Variants in INTS6L observed in about 807,000 individuals in gnomAD.
INTS6L encodes integrator complex subunit 6-like.
INTS6L carries 18 observed loss-of-function variants against 64.7 expected under a neutral mutation model. The observed-to-expected ratio is 0.28, with a 90% CI of 0.19 to 0.41. The LOEUF is 0.41. Ranked by LOEUF, INTS6L falls within the 10% of genes least tolerant of loss-of-function variation. The probability of loss-of-function intolerance (pLI) is 1.00; values close to 1 mark genes in which losing one functional copy is unlikely to be tolerated. For missense variants in INTS6L, 533 were observed against 661.0 expected (o/e 0.81, Z 2.12); for synonymous variants, 227 against 235.9 (o/e 0.96, Z 0.34).
In INTS6L at chrX:135,528,868, C is replaced by CG. The variant is rs1284817178; in HGVS notation, c.189+7550_189+7551insG. 5.2e-4 allele frequency among the ~76,000 whole-genome samples: 38 copies of CG among 72,715 alleles called. 1 individual carries two copies. The highest frequency in any genetic ancestry group is 7.6e-4 in the Non-Finnish European group (29 of 38,231). 63.1% of individuals were successfully genotyped at this position (72,715 alleles called of 115,157 possible). The stretch of plus-strand genomic sequence containing the variant: ...TGGAAGTTCCGTTTAAAATGAACAC[C>CG]CCCCCCCCCGACCCACCGCAATAAA... On this transcript the variant is annotated intron_variant, in intron 2 of 17. Transcript: ENST00000639893.
At chrX:135,555,964 T>C (rs1377519740) in intron 8 of INTS6L, among the ~76,000 whole-genome samples, 1 of 112,391 alleles carries the variant, frequency 8.9e-6, no homozygotes, top group Non-Finnish European at 1.9e-5. Flanking sequence ...GTCAGGATTA[T>C]AAGTGTGAGC....
rs1474213184 is a variant in INTS6L, at chrX:135,577,430, A to G, written c.2119+3A>G. 1.4e-5 allele frequency: 17 copies of G among 1,204,866 alleles called. No individual in the cohort carries two copies. The highest frequency in any genetic ancestry group is 1.8e-5 in the Non-Finnish European group (16 of 890,935). ...AAAACCCACCCTTGTACATACAGGT[A>G]TAGAGTAGTGGTTGTGATTTCCTTA... On this transcript the variant is annotated splice_donor_region_variant and intron_variant, in intron 15 of 17. Coordinates refer to ENST00000639893, the MANE Select transcript of INTS6L (RefSeq NM_001351601.3).
Position 135,528,049 on chromosome X carries a change from T to C in INTS6L, c.189+6731T>C, listed in dbSNP as rs188646915. Among the ~76,000 whole-genome samples, 11 of 111,528 alleles carry C rather than the reference T, an allele frequency of 9.9e-5. No individual in the cohort carries two copies. In the East Asian group the frequency reaches 2.8e-3, roughly 29 times the overall value. On this transcript the variant is annotated intron_variant, in intron 2 of 17. Coordinates refer to ENST00000639893, the MANE Select transcript of INTS6L (RefSeq NM_001351601.3). ...GGGTAGGATTGAAGGACCCTCCTTATGGGAGTGAGAAGGGCAGTGAAGAAA... is the reference window on the plus strand; with the variant it reads ...GGGTAGGATTGAAGGACCCTCCTTACGGGAGTGAGAAGGGCAGTGAAGAAA...
chrX:135,541,461 T>A (rs1008152451), intron 2 of INTS6L, among the ~76,000 whole-genome samples: 1 of 112,312 alleles, frequency 8.9e-6, no homozygotes, highest in Non-Finnish European at 1.9e-5. Flanking sequence ...AAATGCCAAA[T>A]GCATTCTATA....
intron 2 of INTS6L, among the ~76,000 whole-genome samples, chrX:135,539,370 C>T (rs2086137005): frequency 8.9e-6 from 1 of 111,924 alleles, no homozygotes; most frequent in African/African-American, 3.2e-5. Flanking sequence ...GCTTCCTCAC[C>T]TCTCTCAGCC....
intron 2 of INTS6L, among the ~76,000 whole-genome samples, chrX:135,525,292 A>C (rs1231430028): frequency 8.9e-6 from 1 of 112,322 alleles, no homozygotes; most frequent in African/African-American, 3.2e-5. Flanking sequence ...AGGTATTCAA[A>C]ATAGTTTTAT....
At chrX:135,556,321 T>C in intron 9 of INTS6L, 21 bp downstream of exon 9, 1 of 1,127,194 alleles carries the variant, frequency 8.9e-7, no homozygotes, top group Non-Finnish European at 1.2e-6. Context: ...CATGTGCCAC[T>C]GAATCATCTT....
At chrX:135,576,624 C>T (rs1294983926) in intron 14 of INTS6L, among the ~76,000 whole-genome samples, 4 of 111,138 alleles carry the variant, frequency 3.6e-5, no homozygotes, top group African/African-American at 1.3e-4. Flanking sequence ...TGAAAAGCCT[C>T]CTCACTGCCT....
chrX:135,554,598 T>C (rs1377699903), intron 8 of INTS6L, among the ~76,000 whole-genome samples: 3 of 111,713 alleles, frequency 2.7e-5, no homozygotes, highest in Non-Finnish European at 5.6e-5. Context: ...AAATGGATTC[T>C]GTTAAATGTC....
chrX:135,581,426 C>T (rs1378461750), intron 17 of INTS6L, 102 bp from the exon 18 acceptor site: 2 of 615,639 alleles, frequency 3.2e-6, no homozygotes, highest in Non-Finnish European at 5.1e-6. Context: ...TCTTTATATT[C>T]CTATGTAGAT....
chrX:135,568,203 A>C (rs2087001640), intron 9 of INTS6L, among the ~76,000 whole-genome samples: 1 of 111,591 alleles, frequency 9.0e-6, no homozygotes, highest in African/African-American at 3.2e-5. Flanking sequence ...ATGTGAAGGA[A>C]ATTTTCATGC....
At position 135,575,191 on chromosome X, in the gene INTS6L, C is replaced by A; in HGVS notation, c.1849C>A (p.His617Asn). ...TGATCCAGACCAACCCAAAAGACTG[C>A]ATACTTTTGGCAATCCGTTTAAACA... ...EIDPDQPKRLHTFGNPFKQDK... is the reference protein window; with the variant it reads ...EIDPDQPKRLNTFGNPFKQDK... Residue 617 changes from histidine to asparagine, a missense_variant, in exon 14 of 18, where the codon CAT becomes AAT. Physicochemically the swap from His to Asn is moderately conservative, Grantham distance 68 (BLOSUM62 1). Coordinates refer to ENST00000639893, the MANE Select transcript of INTS6L (RefSeq NM_001351601.3). The A allele has an allele frequency of 8.3e-7, 1 of 1,210,921 alleles. No homozygotes were observed. Among genetic ancestry groups the A allele is most frequent in the Non-Finnish European group, 1.1e-6 (1 of 895,164 alleles).
intron 2 of INTS6L, among the ~76,000 whole-genome samples, chrX:135,544,901 G>T (rs2086315327): frequency 9.0e-6 from 1 of 111,471 alleles, no homozygotes; most frequent in Non-Finnish European, 1.9e-5. Flanking sequence ...ATACCAGAAG[G>T]GTTATATCCA....
At chrX:135,539,747 T>A (rs2148596743) in intron 2 of INTS6L, among the ~76,000 whole-genome samples, 1 of 111,747 alleles carries the variant, frequency 8.9e-6, no homozygotes, top group South Asian at 3.8e-4. Flanking sequence ...GTAGGGTCAC[T>A]AATTGGCCTG....
intron 6 of INTS6L, among the ~76,000 whole-genome samples, chrX:135,548,851 A>C (rs937680976): frequency 8.9e-6 from 1 of 112,408 alleles, no homozygotes; most frequent in African/African-American, 3.2e-5. Flanking sequence ...ATTATCATTA[A>C]AAGTTTATAT....
At chrX:135,533,392 A>G (rs954989988) in intron 2 of INTS6L, among the ~76,000 whole-genome samples, 1 of 112,099 alleles carries the variant, frequency 8.9e-6, no homozygotes, top group Admixed American at 9.5e-5. Context: ...TTTTGAAATT[A>G]TTTATTTTCA....
rs183933455 is a variant in INTS6L at position 135,581,693 on chromosome X, A to T, written c.*57A>T. The T allele has an allele frequency of 7.0e-6, 7 of 997,488 alleles. No individual in the cohort carries two copies. In the African/African-American group the frequency reaches 1.3e-4, roughly 19 times the overall value. The allele number at this position is 997,488 out of a possible 1,213,427, so 82.2% of individuals were successfully genotyped here. Reference sequence around the variant, plus strand: ...TTTCTGTGCTGTAGGATGGAACAGGATATTGTTGAAGCCTCCTGGAATGTT... The same window carrying T: ...TTTCTGTGCTGTAGGATGGAACAGGTTATTGTTGAAGCCTCCTGGAATGTT... On this transcript the variant is annotated 3_prime_UTR_variant, in exon 18 of 18. Transcript: ENST00000639893.
At position 135,546,418 on chromosome X, in the gene INTS6L, T is replaced by C. The variant is rs2086357149; in HGVS notation, c.378T>C (p.Ile126=). 2.6e-6 allele frequency: 3 copies of C among 1,173,446 alleles called. No homozygotes were observed. The highest frequency in any genetic ancestry group is 1.8e-5 in the African/African-American group (1 of 54,999). ...TTTTTTTAGAACCATCTATTTTAATTACCATCACAGATGGAAACAAGTTAA... is the reference window on the plus strand; with the variant it reads ...TTTTTTTAGAACCATCTATTTTAATCACCATCACAGATGGAAACAAGTTAA... ...NPFFLEPSIL[I]TITDGNKLTS... The change falls in exon 4 of 18, where the codon ATT becomes ATC. Residue 126 remains isoleucine (I), a synonymous_variant. Transcript: ENST00000639893.
Position 135,581,620 on chromosome X carries a change from G to A in INTS6L, c.2681G>A (p.Ser894Asn), listed in dbSNP as rs1413985194. ...HLHNNISHIN[S>N]RSSC is the part of the protein sequence containing the mutation. ...CACAACAACATTAGTCACATCAACAGCAGATCATCATGTTAGTGCAAAGAC... is the reference window on the plus strand; with the variant it reads ...CACAACAACATTAGTCACATCAACAACAGATCATCATGTTAGTGCAAAGAC... The change falls in exon 18 of 18, where the codon AGC (serine) becomes AAC (asparagine). Residue 894 changes from serine (S) to asparagine (N), a missense_variant. Coordinates refer to ENST00000639893, the MANE Select transcript of INTS6L (RefSeq NM_001351601.3). 63 of 1,205,949 alleles carry A rather than the reference G, an allele frequency of 5.2e-5. No individual in the cohort carries two copies. The highest frequency in any genetic ancestry group is 7.1e-5 in the Non-Finnish European group (63 of 892,308).
Sources: gnomAD v4.1 joint callset for allele counts (sites outside exome capture counted in the v4.1 genomes callset) on GRCh38, gnomAD v4.1.1 for gene constraint, MANE v1.5 for transcripts, NCBI Gene and HGNC (gene_info 2026-07-23, HGNC 2026-07-21) for gene names.